SANBR: variants seen among roughly 807,000 people sequenced by gnomAD.
SANBR encodes SANT and BTB domain regulator of class switch recombination.
SANBR carries 77 observed loss-of-function variants against 101.8 expected under a neutral mutation model. The observed-to-expected ratio is 0.76, with a 90% CI of 0.63 to 0.91. The LOEUF is 0.91. SANBR is among the 40% of genes least tolerant of loss of function. The pLI, the probability that SANBR is intolerant of heterozygous loss-of-function variation, is 0.00. For missense variants in SANBR, 875 were observed against 853.0 expected (o/e 1.03, Z -0.32); for synonymous variants, 279 against 274.7 (o/e 1.02, Z -0.15).
chr2:61,070,827 G>A (rs530025622), intron 3 of SANBR, among the ~76,000 whole-genome samples: 154 of 150,886 alleles, frequency 1.0e-3, no homozygotes, highest in African/African-American at 3.6e-3. Flanking sequence ...AGGCTGGAGT[G>A]CAGTGGTGCC....
rs1684115644 is a variant in SANBR at position 61,117,211 on chromosome 2, T to G, written c.1837-146T>G. 1.8e-5 allele frequency: 13 copies of G among 738,740 alleles called. No individual in the cohort carries two copies. In the South Asian group the frequency reaches 1.9e-4, roughly 11 times the overall value. 45.8% of individuals were successfully genotyped at this position (738,740 alleles called of 1,614,324 possible). A position where few individuals can be genotyped will look rare whatever the true frequency, so the allele number is the denominator to read the frequency against. On this transcript the variant is annotated intron_variant, in intron 17 of 21. Coordinates refer to ENST00000402291, the MANE Select transcript of SANBR (RefSeq NM_001129993.3). The stretch of plus-strand genomic sequence containing the variant: ...AATAGTGCCTGTCTCATTTGGTTGG[T>G]GCAAGGTTTAAATGAAATAGCACTT...
chr2:61,105,377 A>AT (rs1476732449), intron 13 of SANBR, among the ~76,000 whole-genome samples: 1 of 151,478 alleles, frequency 6.6e-6, no homozygotes, highest in Non-Finnish European at 1.5e-5. Context: ...AAAAAAAAAA[A>AT]GCATTTCAGT....
intron 12 of SANBR, among the ~76,000 whole-genome samples, chr2:61,102,052 A>G (rs1207692716): frequency 6.6e-6 from 1 of 151,786 alleles, no homozygotes; most frequent in Non-Finnish European, 1.5e-5. Context: ...AAATAGATAT[A>G]TAATGAATCT....
At chr2:61,108,279 A>AATTAAT (rs1683668842) in intron 14 of SANBR, 38 bp from the exon 15 acceptor site, 18 of 1,404,250 alleles carry the variant, frequency 1.3e-5, no homozygotes, top group Non-Finnish European at 1.8e-5. Context: ...CAATCTAGGT[A>AATTAAT]AATGCAGATT....
chr2:61,084,777 A>G (rs1333787540), intron 8 of SANBR, among the ~76,000 whole-genome samples: 1 of 152,170 alleles, frequency 6.6e-6, no homozygotes, highest in Non-Finnish European at 1.5e-5. Context: ...TTAAGAAGCA[A>G]GGAGACCTGT....
chr2:61,106,680 A>G lies in SANBR; in HGVS notation c.1611+18A>G, dbSNP rs757845995. On this transcript the variant is annotated intron_variant, in intron 14 of 21. Transcript: ENST00000402291. ...TCAATGCTGTGAGTAGTTTTTTTTCACTTATTCTTTATTTACATAAATAAT... is the reference window on the plus strand; with the variant it reads ...TCAATGCTGTGAGTAGTTTTTTTTCGCTTATTCTTTATTTACATAAATAAT... 5 of 1,363,644 alleles carry G rather than the reference A, an allele frequency of 3.7e-6. No individual in the cohort carries two copies. The East Asian group carries it at 1.2e-4, about 32-fold the overall frequency. 84.5% of individuals were successfully genotyped at this position (1,363,644 alleles called of 1,614,324 possible).
At chr2:61,071,549 C>CA (rs200693095) in intron 3 of SANBR, 57 bp from the exon 4 acceptor site, 148,610 of 927,852 alleles carry the variant, frequency 0.16, 5 homozygotes, top group Non-Finnish European at 0.17. Context: ...GACTCCGTCT[C>CA]AAAAAAAAAA....
chr2:61,109,294 A>G lies in SANBR; in HGVS notation c.1742A>G (p.Gln581Arg). ...VGDEEEVSKK[Q>R]RKKEKPKKFT... ...GATGAAGAAGAAGTATCCAAGAAAC[A>G]AAGTATTGGTTTATAAGTTAAAATC... The change falls in exon 16 of 22, where the codon CAA becomes CGA. Residue 581 changes from glutamine to arginine, a missense_variant and splice_region_variant. By Grantham distance (43) the Gln-to-Arg change is conservative. Coordinates refer to ENST00000402291, the MANE Select transcript of SANBR (RefSeq NM_001129993.3). The G allele has an allele frequency of 6.5e-7, 1 of 1,530,338 alleles. No homozygotes were observed. Among genetic ancestry groups the G allele is most frequent in the African/African-American group, 1.4e-5 (1 of 72,978 alleles). 94.8% of individuals were successfully genotyped at this position (1,530,338 alleles called of 1,614,324 possible).
At chr2:61,073,613 G>A in intron 5 of SANBR, 62 bp downstream of exon 5, 1 of 917,258 alleles carries the variant, frequency 1.1e-6, no homozygotes, top group Non-Finnish European at 1.7e-6. Context: ...TAAAATATAT[G>A]ATTGGTGGTT....
In SANBR at chr2:61,093,979, C is replaced by G. The variant is rs6720762; in HGVS notation, c.1212+1392C>G. 941 of 364,128 alleles carry G rather than the reference C, an allele frequency of 2.6e-3. 9 individuals carry two copies. The highest frequency in any genetic ancestry group is 0.02 in the African/African-American group (894 of 45,286). 22.6% of individuals were successfully genotyped at this position (364,128 alleles called of 1,614,324 possible). A position where few individuals can be genotyped will look rare whatever the true frequency, so the allele number is the denominator to read the frequency against. On this transcript the variant is annotated intron_variant, in intron 11 of 21. Transcript: ENST00000402291. The stretch of plus-strand genomic sequence containing the variant: ...TTCGACAAATAATTTCTTTTGAATC[C>G]CTAAAGTTTTCCTCTCCCCAGTAAT...
At position 61,129,284 on chromosome 2, in the gene SANBR, A is replaced by C. The variant is rs1436835855; in HGVS notation, c.2029-4853A>C. On this transcript the variant is annotated intron_variant, in intron 20 of 21. Transcript: ENST00000295031. Reference sequence around the variant, plus strand: ...CGTGGTGAAACCCCATCTCTACTAAAAATACAAAAATTATCCAGGTGTGGT... The same window carrying C: ...CGTGGTGAAACCCCATCTCTACTAACAATACAAAAATTATCCAGGTGTGGT... Among the ~76,000 whole-genome samples, 4 of 152,026 alleles carry C rather than the reference A, an allele frequency of 2.6e-5. No individual in the cohort carries two copies. In the East Asian group the frequency reaches 7.7e-4, roughly 29 times the overall value.
intron 11 of SANBR, chr2:61,094,246 T>G (rs2104907720): frequency 5.8e-6 from 1 of 173,726 alleles, no homozygotes; most frequent in Non-Finnish European, 1.1e-5. Context: ...TCCATCACCC[T>G]AAAAGAAATT....
In SANBR at chr2:61,117,345, A is replaced by C; in HGVS notation, c.1837-12A>C. 6.2e-7 allele frequency: 1 copy of C among 1,612,344 alleles called. No homozygotes were observed. Among genetic ancestry groups the C allele is most frequent in the Non-Finnish European group, 8.5e-7 (1 of 1,178,550 alleles). On this transcript the variant is annotated splice_polypyrimidine_tract_variant and intron_variant, in intron 17 of 21. Coordinates refer to ENST00000402291, the MANE Select transcript of SANBR (RefSeq NM_001129993.3). ...TTCTAATTGGGCCTTAATGTTGTCTACTTTTTTTTAGTCAGCTTCTAGAGA... is the reference window on the plus strand; with the variant it reads ...TTCTAATTGGGCCTTAATGTTGTCTCCTTTTTTTTAGTCAGCTTCTAGAGA...
chr2:61,103,837 GTC>G lies in SANBR; in HGVS notation c.1366-12_1366-11del. ...ATAACAAACTAACCTCTAATTTATT[GTC>G]TCTTATGTGACAGGGCTGTAAAGTG... On this transcript the variant is annotated splice_polypyrimidine_tract_variant and intron_variant, in intron 12 of 21. Coordinates refer to ENST00000402291, the MANE Select transcript of SANBR (RefSeq NM_001129993.3). 1 of 1,611,780 alleles carries G rather than the reference GTC, an allele frequency of 6.2e-7. No individual in the cohort carries two copies. The highest frequency in any genetic ancestry group is 8.5e-7 in the Non-Finnish European group (1 of 1,178,752).
At chr2:61,112,548 G>A (rs939634726) in intron 16 of SANBR, among the ~76,000 whole-genome samples, 3 of 151,258 alleles carry the variant, frequency 2.0e-5, no homozygotes, top group Non-Finnish European at 4.4e-5. Context: ...CCAGGCTGGA[G>A]TGTAGAGGTG....
chr2:61,077,233 A>C, intron 6 of SANBR, 75 bp downstream of exon 6: 1 of 1,033,172 alleles, frequency 9.7e-7, no homozygotes, highest in East Asian at 2.4e-5. Flanking sequence ...CCAAAAGTGA[A>C]ATGTGGAAAA....
intron 10 of SANBR, chr2:61,090,698 TGTGTGTGTGGGC>T (rs1682701307): frequency 6.6e-6 from 1 of 151,388 alleles, no homozygotes; most frequent in South Asian, 2.1e-4. Context: ...CAATTGTGTA[TGTGTGTGTGGGC>T]ACAGGGTTTG....
In SANBR at chr2:61,070,350, G is replaced by T; in HGVS notation, c.-1G>T. ...GTCTTCCCTATCCCTAGTTCCAAAAGATGAGTCGTGGATATTCAGAAAACA... is the reference window on the plus strand; with the variant it reads ...GTCTTCCCTATCCCTAGTTCCAAAATATGAGTCGTGGATATTCAGAAAACA... On this transcript the variant is annotated 5_prime_UTR_variant, in exon 3 of 22. Coordinates refer to ENST00000402291, the MANE Select transcript of SANBR (RefSeq NM_001129993.3). 1 of 1,563,372 alleles carries T rather than the reference G, an allele frequency of 6.4e-7. No individual in the cohort carries two copies. The highest frequency in any genetic ancestry group is 8.6e-7 in the Non-Finnish European group (1 of 1,161,508).
At chr2:61,092,874 C>G (rs1321952300) in intron 11 of SANBR, among the ~76,000 whole-genome samples, 20 of 151,970 alleles carry the variant, frequency 1.3e-4, no homozygotes, top group Non-Finnish European at 5.9e-5. Context: ...TGGCTCATGC[C>G]TCTAATTCCA....
Sources: allele counts gnomAD v4.1 joint callset (sites outside exome capture counted in the v4.1 genomes callset), GRCh38; gene constraint gnomAD v4.1.1; transcripts MANE v1.5; gene names NCBI Gene and HGNC (gene_info 2026-07-23, HGNC 2026-07-21).